Variants in SUCO observed in about 807,000 individuals in gnomAD.
The protein encoded by SUCO is SUN domain containing ossification factor, also known as SUN domain-containing ossification factor.
Under a neutral mutation model 148.1 loss-of-function variants are expected in SUCO, and 57 were observed. That is an observed-to-expected ratio of 0.38 (90% CI 0.31 to 0.48). The LOEUF is 0.48. Ranked by LOEUF, SUCO falls within the 20% of genes least tolerant of loss-of-function variation. SUCO has a pLI of 0.96. For missense variants in SUCO, 1,331 were observed against 1,468.2 expected (o/e 0.91, Z 1.53); for synonymous variants, 470 against 502.7 (o/e 0.93, Z 0.87).
chr1:172,608,453 GA>G, intron 22 of SUCO: 1 of 373,498 alleles, frequency 2.7e-6, no homozygotes, highest in Middle Eastern at 8.0e-4. Context: ...TGGGCCCAAA[GA>G]AAGATCGTTA....
intron 19 of SUCO, among the ~76,000 whole-genome samples, chr1:172,593,853 C>A (rs1318106253): frequency 2.0e-5 from 3 of 152,192 alleles, no homozygotes; most frequent in Admixed American, 2.0e-4. Context: ...AGGAATGGTA[C>A]CAGCTCCTCT....
Position 172,589,197 on chromosome 1 carries a change from T to C in SUCO, c.2096T>C (p.Leu699Pro), listed in dbSNP as rs1329593222. Residue 699 changes from leucine to proline, a missense_variant, in exon 18 of 24, where the codon CTG (leucine) becomes CCG (proline). Leu to Pro is a moderately conservative substitution (Grantham distance 98). This residue lies in a region of SUCO where 992 missense variants were observed against 1,093.5 expected (regional missense o/e 0.91). Coordinates refer to ENST00000263688, the MANE Select transcript of SUCO (RefSeq NM_014283.5). Reference protein sequence around the residue: ...NIEREAETVVLGDLSSSMHQD... With the variant: ...NIEREAETVVPGDLSSSMHQD... ...GAAAGGGAAGCTGAAACTGTTGTTC[T>C]GGGTGATTTAAGTAGTAGTATGCAC... is the stretch of plus-strand genomic sequence containing the variant. 6.2e-7 allele frequency: 1 copy of C among 1,614,060 alleles called. No homozygotes were observed. Among genetic ancestry groups the C allele is most frequent in the Non-Finnish European group, 8.5e-7 (1 of 1,179,948 alleles).
intron 20 of SUCO, among the ~76,000 whole-genome samples, chr1:172,600,709 TGTGTGTG>T (rs1657451809): frequency 6.6e-6 from 1 of 151,270 alleles, no homozygotes; most frequent in African/African-American, 2.4e-5. Flanking sequence ...TGTGTGTGTG[TGTGTGTG>T]TGTGTGTGTG....
In SUCO at chr1:172,575,509, A is replaced by AT; in HGVS notation, c.1158-3dup. The AT allele has an allele frequency of 1.3e-6, 2 of 1,578,474 alleles. No individual in the cohort carries two copies. Among genetic ancestry groups the AT allele is most frequent in the Non-Finnish European group, 8.7e-7 (1 of 1,150,670 alleles). ...TTTTAAAAAAGAACATATTGCTTAT[A>AT]TTTTTTAGATATCCAACAAATAAGT... On this transcript the variant is annotated splice_polypyrimidine_tract_variant and intron_variant, in intron 10 of 23. Coordinates refer to ENST00000263688, the MANE Select transcript of SUCO (RefSeq NM_014283.5).
At chr1:172,609,144 C>A in intron 23 of SUCO, 1 of 634,918 alleles carries the variant, frequency 1.6e-6, no homozygotes, top group Non-Finnish European at 2.0e-6. Flanking sequence ...TATTTATTAC[C>A]GAATGCATGC....
At chr1:172,579,463 GC>G (rs1655710326) in intron 15 of SUCO, among the ~76,000 whole-genome samples, 196 bp downstream of exon 15, 1 of 152,000 alleles carries the variant, frequency 6.6e-6, no homozygotes, top group African/African-American at 2.4e-5. Flanking sequence ...AGAGACAAAT[GC>G]AATCGTAATA....
chr1:172,539,256 G>A (rs564213933), intron 1 of SUCO, among the ~76,000 whole-genome samples: 11 of 152,226 alleles, frequency 7.2e-5, no homozygotes, highest in East Asian at 5.8e-4. Context: ...CTGTATGTAC[G>A]TGATGCTTTT....
rs777903750 is a variant in SUCO at position 172,610,252 on chromosome 1, A to G, written c.3758A>G (p.His1253Arg). 1.9e-6 allele frequency: 3 copies of G among 1,574,812 alleles called. No individual in the cohort carries two copies. Among genetic ancestry groups the G allele is most frequent in the Admixed American group, 2.0e-5 (1 of 50,070 alleles). Residue 1253 changes from histidine (H) to arginine (R), a missense_variant, in exon 24 of 24, where the codon CAT becomes CGT. His to Arg is a conservative substitution (Grantham distance 29). Transcript: ENST00000263688. The part of the protein sequence containing the change: ...GTFGVTAVSG[H>R]I ...TTTGGTGTTACAGCAGTCTCGGGACATATCTAAAATTAATTGAACTTTTCA... is the reference window on the plus strand; with the variant it reads ...TTTGGTGTTACAGCAGTCTCGGGACGTATCTAAAATTAATTGAACTTTTCA...
chr1:172,571,390 G>A (rs1177526108), intron 9 of SUCO, among the ~76,000 whole-genome samples: 1 of 152,164 alleles, frequency 6.6e-6, no homozygotes, highest in Non-Finnish European at 1.5e-5. Context: ...GAGTGCAGTG[G>A]CCTGATCTCG....
Position 172,573,833 on chromosome 1 carries a change from T to A in SUCO, c.1050-58T>A, listed in dbSNP as rs1571236928. On this transcript the variant is annotated intron_variant, in intron 9 of 23. Coordinates refer to ENST00000263688, the MANE Select transcript of SUCO (RefSeq NM_014283.5). The stretch of plus-strand genomic sequence containing the variant: ...ATTTATGGAAACTGTTAATGTCATA[T>A]TTAATATGAACTGTTATTTTGATTG... 7 of 962,384 alleles carry A rather than the reference T, an allele frequency of 7.3e-6. No homozygotes were observed. In the East Asian group the frequency reaches 1.7e-4, roughly 24 times the overall value. 59.6% of individuals were successfully genotyped at this position (962,384 alleles called of 1,614,324 possible).
Position 172,589,860 on chromosome 1 carries a change from A to C in SUCO, c.2759A>C (p.Asn920Thr). 6.9e-6 allele frequency: 11 copies of C among 1,589,376 alleles called. No homozygotes were observed. Among genetic ancestry groups the C allele is most frequent in the Non-Finnish European group, 9.4e-6 (11 of 1,172,306 alleles). ...QKESVFMRLN[N>T]RIKALEVNMS... ...GAGTCAGTATTTATGAGACTTAATA[A>C]TCGTATTAAAGCCTTAGAAGTTAAC... Residue 920 changes from asparagine to threonine, a missense_variant, in exon 18 of 24, where the codon AAT becomes ACT. This residue lies in a region of SUCO where 992 missense variants were observed against 1,093.5 expected (regional missense o/e 0.91). Coordinates refer to ENST00000263688, the MANE Select transcript of SUCO (RefSeq NM_014283.5).
chr1:172,551,768 T>C (rs1653320047), intron 2 of SUCO, 142 bp downstream of exon 2: 2 of 580,020 alleles, frequency 3.4e-6, no homozygotes, highest in South Asian at 2.2e-5. Context: ...ATTACTCAGG[T>C]AATTCTTAAA....
intron 17 of SUCO, among the ~76,000 whole-genome samples, chr1:172,587,314 T>TTA (rs1173555972): frequency 6.6e-6 from 1 of 152,086 alleles, no homozygotes; most frequent in Non-Finnish European, 1.5e-5. Flanking sequence ...GATGTCACTG[T>TTA]TAAAGTTACG....
chr1:172,543,433 A>G (rs1342099904), intron 1 of SUCO, among the ~76,000 whole-genome samples: 1 of 152,236 alleles, frequency 6.6e-6, no homozygotes, highest in Non-Finnish European at 1.5e-5. Context: ...ATTATCAAGT[A>G]TAGGGCATGA....
intron 1 of SUCO, among the ~76,000 whole-genome samples, chr1:172,536,040 A>G (rs1651987977): frequency 2.0e-5 from 3 of 152,226 alleles, no homozygotes; most frequent in Non-Finnish European, 2.9e-5. Flanking sequence ...CAGAGCAATG[A>G]TAGCTAATAT....
chr1:172,604,483 A>G (rs189062795), intron 22 of SUCO, among the ~76,000 whole-genome samples: 1 of 151,866 alleles, frequency 6.6e-6, no homozygotes, highest in Admixed American at 6.6e-5. Flanking sequence ...CCTTATTTTC[A>G]CTTCTAAGCT....
At chr1:172,554,798 C>T (rs986165653) in intron 3 of SUCO, among the ~76,000 whole-genome samples, 1 of 150,016 alleles carries the variant, frequency 6.7e-6, no homozygotes, top group African/African-American at 2.5e-5. Context: ...AATACATGTT[C>T]ATATGGTAAT....
In SUCO at chr1:172,589,940, T is replaced by C; in HGVS notation, c.2825+14T>C. 1 of 1,511,070 alleles carries C rather than the reference T, an allele frequency of 6.6e-7. No homozygotes were observed. Among genetic ancestry groups the C allele is most frequent in the Non-Finnish European group, 8.8e-7 (1 of 1,140,706 alleles). The allele number at this position is 1,511,070 out of a possible 1,614,324, so 93.6% of individuals were successfully genotyped here. On this transcript the variant is annotated intron_variant, in intron 18 of 23. Coordinates refer to ENST00000263688, the MANE Select transcript of SUCO (RefSeq NM_014283.5). ...GCTTAGCCAAAGGTAAGCTTTATTA[T>C]GAATTAGCACAGTCAGCTTCACACA...
chr1:172,595,097 G>C (rs895722015), intron 19 of SUCO, among the ~76,000 whole-genome samples: 31 of 152,076 alleles, frequency 2.0e-4, no homozygotes, highest in African/African-American at 6.5e-4. Flanking sequence ...CAGAGACTAC[G>C]ATTGTAACCC....
Sources: gnomAD v4.1 joint callset for allele counts (sites outside exome capture counted in the v4.1 genomes callset) on GRCh38, gnomAD v4.1.1 for gene constraint, gnomAD v4.1.1 regional missense constraint, MANE v1.5 for transcripts, NCBI Gene and HGNC (gene_info 2026-07-23, HGNC 2026-07-21) for gene names.